Variants in CAMKMT observed in about 807,000 individuals in gnomAD.
CAMKMT encodes CaM KMT.
Under a neutral mutation model 48.0 loss-of-function variants are expected in CAMKMT, and 53 were observed. The ratio of observed to expected loss-of-function variants is 1.10; its 90% CI spans 0.89 to 1.39. The LOEUF (loss-of-function observed/expected upper bound fraction) is 1.39. Ranked by LOEUF, CAMKMT falls within the 40% of genes most tolerant of loss-of-function variation. CAMKMT has a pLI of 0.00. For synonymous variants in CAMKMT, 165 were observed against 152.3 expected (o/e 1.08, Z -0.61); for missense variants, 428 against 402.7 (o/e 1.06, Z -0.54).
chr2:44,671,228 C>A (rs1675308456), intron 3 of CAMKMT, among the ~76,000 whole-genome samples: 1 of 152,158 alleles, frequency 6.6e-6, no homozygotes, highest in Non-Finnish European at 1.5e-5. Context: ...AAATCCTACC[C>A]CCTTTTTTCC....
chr2:44,721,628 G>A (rs556554847), intron 7 of CAMKMT, among the ~76,000 whole-genome samples: 1 of 152,178 alleles, frequency 6.6e-6, no homozygotes, highest in South Asian at 2.1e-4. Flanking sequence ...TCACAGAGTT[G>A]TGCAAGCATC....
In CAMKMT at chr2:44,722,979, T is replaced by C. The variant is rs996763387; in HGVS notation, c.623+7626T>C. On this transcript the variant is annotated intron_variant, in intron 7 of 10. Coordinates refer to ENST00000378494, the MANE Select transcript of CAMKMT (RefSeq NM_024766.5). ...GAATGTTAGGAAAATATCCCTCTTT[T>C]GGACTCTGAAATAAGTTCATTTCTG... Among the ~76,000 whole-genome samples, 6 of 152,228 alleles carry C rather than the reference T, an allele frequency of 3.9e-5. No individual in the cohort carries two copies. In the East Asian group the frequency reaches 1.2e-3, roughly 29 times the overall value.
At position 44,514,543 on chromosome 2, in the gene CAMKMT, A is replaced by G. The variant is rs1040666945; in HGVS notation, c.376+124238A>G. On this transcript the variant is annotated intron_variant, in intron 3 of 10. Transcript: ENST00000378494. ...GTAGAAAGGCAAAAGAGGGAATGCT[A>G]CATGGATTAATCAAGGATGTCCAAT... Among the ~76,000 whole-genome samples, 7 of 152,248 alleles carry G rather than the reference A, an allele frequency of 4.6e-5. No individual in the cohort carries two copies. In the East Asian group the frequency reaches 1.4e-3, roughly 29 times the overall value.
chr2:44,737,021 T>C (rs1483847686), intron 7 of CAMKMT, among the ~76,000 whole-genome samples: 1 of 152,216 alleles, frequency 6.6e-6, no homozygotes, highest in African/African-American at 2.4e-5. Context: ...TTTTCAATTT[T>C]TTATATGTCT....
intron 3 of CAMKMT, among the ~76,000 whole-genome samples, chr2:44,561,718 A>G (rs927990755): frequency 6.6e-6 from 1 of 152,254 alleles, no homozygotes; most frequent in Admixed American, 6.5e-5. Flanking sequence ...TATGGGGTTT[A>G]GAGCAAGTTG....
intron 3 of CAMKMT, among the ~76,000 whole-genome samples, chr2:44,612,098 C>CAT (rs1225168006): frequency 6.6e-6 from 1 of 151,954 alleles, no homozygotes; most frequent in Non-Finnish European, 1.5e-5. Context: ...ATGTAATTAC[C>CAT]ATATGTAATT....
intron 3 of CAMKMT, among the ~76,000 whole-genome samples, chr2:44,496,097 T>C (rs1669739536): frequency 6.6e-6 from 1 of 152,184 alleles, no homozygotes; most frequent in Non-Finnish European, 1.5e-5. Flanking sequence ...GCCAAAGCAT[T>C]TGAAGCTTTT....
At chr2:44,757,530 A>G (rs1558838389) in intron 9 of CAMKMT, among the ~76,000 whole-genome samples, 2 of 150,926 alleles carry the variant, frequency 1.3e-5, no homozygotes, top group Admixed American at 1.3e-4. Flanking sequence ...ATTCAAGGCT[A>G]GCTCTGGTTA....
At chr2:44,389,964 CT>C (rs1681164067) in intron 2 of CAMKMT, among the ~76,000 whole-genome samples, 1 of 152,110 alleles carries the variant, frequency 6.6e-6, no homozygotes, top group Admixed American at 6.6e-5. Context: ...AAGAACTTCC[CT>C]TTACATAATG....
intron 3 of CAMKMT, among the ~76,000 whole-genome samples, chr2:44,670,195 A>C (rs1466371301): frequency 6.6e-6 from 1 of 152,260 alleles, no homozygotes; most frequent in Non-Finnish European, 1.5e-5. Flanking sequence ...TGCCTTAATG[A>C]ACAGAAATTT....
intron 3 of CAMKMT, chr2:44,395,129 T>G: frequency 2.8e-6 from 1 of 362,898 alleles, no homozygotes; most frequent in Non-Finnish European, 5.4e-6. Context: ...TTTTAGTTTT[T>G]CTGTTTCATT....
intron 3 of CAMKMT, among the ~76,000 whole-genome samples, chr2:44,504,250 C>G (rs1670149269): frequency 6.6e-6 from 1 of 152,160 alleles, no homozygotes; most frequent in South Asian, 2.1e-4. Context: ...TGCCTTAATT[C>G]CCTATCTTCC....
chr2:44,615,835 G>C (rs757161097), intron 3 of CAMKMT, among the ~76,000 whole-genome samples: 1 of 152,174 alleles, frequency 6.6e-6, no homozygotes, highest in East Asian at 1.9e-4. Context: ...TGAAAGATGA[G>C]AGATGCCAAC....
chr2:44,547,997 G>A (rs1667498777), intron 3 of CAMKMT, among the ~76,000 whole-genome samples: 1 of 152,196 alleles, frequency 6.6e-6, no homozygotes, highest in South Asian at 2.1e-4. Flanking sequence ...CTGGTAGAGA[G>A]TGGGGAAAAA....
chr2:44,547,952 T>A (rs1558693738), intron 3 of CAMKMT, among the ~76,000 whole-genome samples: 1 of 152,156 alleles, frequency 6.6e-6, no homozygotes, highest in African/African-American at 2.4e-5. Context: ...ATTGGCTGCT[T>A]GCCCATCAGA....
intron 3 of CAMKMT, among the ~76,000 whole-genome samples, chr2:44,586,465 C>G (rs1444280378): frequency 6.6e-6 from 1 of 152,106 alleles, no homozygotes; most frequent in Non-Finnish European, 1.5e-5. Context: ...ATATTATCTG[C>G]TTTCTCTCAC....
In CAMKMT at chr2:44,367,112, A is replaced by G. The variant is rs565822243; in HGVS notation, c.138+4967A>G. 3.9e-5 allele frequency among the ~76,000 whole-genome samples: 6 copies of G among 152,310 alleles called. No homozygotes were observed. The South Asian group carries it at 1.2e-3, about 32-fold the overall frequency. On this transcript the variant is annotated intron_variant, in intron 1 of 10. Coordinates refer to ENST00000378494, the MANE Select transcript of CAMKMT (RefSeq NM_024766.5). ...GGTTTTTACTTGCATCCCTGAGCAT[A>G]GATTCATATATAAATATAGGGATTC... is the stretch of plus-strand genomic sequence containing the variant.
At chr2:44,391,573 G>C (rs1418520095) in intron 3 of CAMKMT, among the ~76,000 whole-genome samples, 1 of 151,996 alleles carries the variant, frequency 6.6e-6, no homozygotes, top group South Asian at 2.1e-4. Context: ...CATTGAGTCA[G>C]GCTTAAACAT....
chr2:44,591,133 A>G (rs1215547998), intron 3 of CAMKMT, among the ~76,000 whole-genome samples: 1 of 150,008 alleles, frequency 6.7e-6, no homozygotes, highest in Non-Finnish European at 1.5e-5. Context: ...TGGTACCAGT[A>G]CCGTGCTGTT....
Sources: gnomAD v4.1 joint callset for allele counts (sites outside exome capture counted in the v4.1 genomes callset) on GRCh38, gnomAD v4.1.1 for gene constraint, MANE v1.5 for transcripts, NCBI Gene and HGNC (gene_info 2026-07-23, HGNC 2026-07-21) for gene names.